The following SRRM1 variants were observed in gnomAD, a reference collection of about 807,000 sequenced individuals.
The protein encoded by SRRM1 is serine/arginine repetitive matrix protein 1.
Under a neutral mutation model 110.2 loss-of-function variants are expected in SRRM1, and 19 were observed. That is an observed-to-expected ratio of 0.17 (90% CI 0.12 to 0.25). The LOEUF (loss-of-function observed/expected upper bound fraction) is 0.25. Among genes scored for constraint, SRRM1 ranks in the 10% least tolerant of loss-of-function variants. The pLI is 1.00. For missense variants in SRRM1, 918 were observed against 1,145.8 expected, an observed-to-expected ratio of 0.80 and a Z score of 2.87; for synonymous variants, 443 against 414.9, an observed-to-expected ratio of 1.07 and a Z score of -0.82.
chr1:24,656,019 C>G (rs978020511), intron 9 of SRRM1, among the ~76,000 whole-genome samples: 8 of 152,102 alleles, frequency 5.3e-5, no homozygotes, highest in Non-Finnish European at 1.2e-4. Context: ...GCAGGAAGAT[C>G]ACTTGATCCC....
At chr1:24,652,350 A>G in intron 6 of SRRM1, 84 bp from the exon 7 acceptor site, 1 of 1,007,226 alleles carries the variant, frequency 9.9e-7, no homozygotes. Flanking sequence ...AGTTTTAGAA[A>G]TACTTTATTA....
chr1:24,670,524 G>T (rs964976001), intron 15 of SRRM1, among the ~76,000 whole-genome samples: 1 of 152,162 alleles, frequency 6.6e-6, no homozygotes, highest in Admixed American at 6.6e-5. Context: ...TTGAGACAGG[G>T]TCTCATGCTG....
At chr1:24,662,005 G>C (rs1422673359) in intron 11 of SRRM1, among the ~76,000 whole-genome samples, 1 of 152,160 alleles carries the variant, frequency 6.6e-6, no homozygotes, top group Non-Finnish European at 1.5e-5. Flanking sequence ...AGAATCCCTT[G>C]AACCCAGGAG....
At chr1:24,661,276 A>G (rs780407571) in intron 10 of SRRM1, 34 bp from the exon 11 acceptor site, 12 of 1,563,492 alleles carry the variant, frequency 7.7e-6, no homozygotes, top group Non-Finnish European at 4.4e-6. Flanking sequence ...ATGCTTAACT[A>G]AAGAAACACT....
intron 8 of SRRM1, among the ~76,000 whole-genome samples, chr1:24,654,506 T>A (rs1662861094): frequency 1.3e-5 from 2 of 152,212 alleles, no homozygotes; most frequent in Non-Finnish European, 2.9e-5. Context: ...GGAAAATACC[T>A]TGCCCCCAAA....
intron 9 of SRRM1, among the ~76,000 whole-genome samples, chr1:24,658,058 C>G (rs1463811124): frequency 6.6e-6 from 1 of 152,012 alleles, no homozygotes; most frequent in African/African-American, 2.4e-5. Flanking sequence ...CCCTTGAATA[C>G]TTAAAACAAC....
rs1161270411 is a variant in SRRM1, at chr1:24,645,860, C to T, written c.22-124C>T. On this transcript the variant is annotated intron_variant, in intron 1 of 16. Coordinates refer to ENST00000323848, the MANE Select transcript of SRRM1 (RefSeq NM_005839.4). ...TGGGGAAGGAGTATGCATTTCTCAT[C>T]TATGAAAACTAGTTTGGTATTGTGT... 9.0e-6 allele frequency: 6 copies of T among 667,872 alleles called. No individual in the cohort carries two copies. The Admixed American group carries it at 1.6e-4, about 18-fold the overall frequency. The allele number at this position is 667,872 out of a possible 1,614,324, so 41.4% of individuals were successfully genotyped here. A position where few individuals can be genotyped will look rare whatever the true frequency, so the allele number is the denominator to read the frequency against.
intron 12 of SRRM1, chr1:24,666,510 C>G (rs1670054973): frequency 3.4e-6 from 1 of 290,404 alleles, no homozygotes. Context: ...ACCTATAATC[C>G]CAGCACTTTG....
rs201407788 is a variant in SRRM1 at position 24,660,738 on chromosome 1, T to C, written c.1335T>C (p.Thr445=). 79 of 1,584,336 alleles carry C rather than the reference T, an allele frequency of 5.0e-5. No individual in the cohort carries two copies. Among genetic ancestry groups the C allele is most frequent in the Middle Eastern group, 3.4e-4 (2 of 5,934 alleles). ...TSGKVTKHKG[T]EKRESPSPAP... ...TTTTAGTGACAAAACATAAAGGTAC[T>C]GAGAAAAGAGAATCCCCTTCACCAG... is the stretch of plus-strand genomic sequence containing the variant. Residue 445 remains threonine, a synonymous_variant, in exon 10 of 17, where the codon ACT becomes ACC. Coordinates refer to ENST00000323848, the MANE Select transcript of SRRM1 (RefSeq NM_005839.4).
At chr1:24,666,547 A>AG in intron 12 of SRRM1, 1 of 327,942 alleles carries the variant, frequency 3.0e-6, no homozygotes, top group Non-Finnish European at 5.8e-6. Flanking sequence ...AGATCACCTG[A>AG]GGTCAGGAGT....
intron 1 of SRRM1, 105 bp from the exon 2 acceptor site, chr1:24,645,879 A>G (rs114675408): frequency 0.013 from 10,180 of 786,684 alleles, 116 homozygotes; most frequent in Middle Eastern, 0.068. Flanking sequence ...CTAGTTTGGT[A>G]TTGTGTTTAC....
At chr1:24,645,103 TTTACA>T (rs1367791111) in intron 1 of SRRM1, among the ~76,000 whole-genome samples, 1 of 152,204 alleles carries the variant, frequency 6.6e-6, no homozygotes, top group Non-Finnish European at 1.5e-5. Flanking sequence ...TGCCAGATAC[TTTACA>T]TATGTTATTT....
chr1:24,650,673 C>G (rs1489491709), intron 5 of SRRM1: 1 of 152,132 alleles, frequency 6.6e-6, no homozygotes, highest in East Asian at 1.9e-4. Flanking sequence ...CTGCTTATTT[C>G]TTTCATAAAT....
chr1:24,658,208 ATTTTT>A (rs573100578), intron 9 of SRRM1, among the ~76,000 whole-genome samples: 1 of 137,512 alleles, frequency 7.3e-6, no homozygotes. Context: ...GATGGTATAA[ATTTTT>A]TTTTTTTTTT....
chr1:24,669,909 T>A (rs1339374243), intron 14 of SRRM1: 1 of 569,584 alleles, frequency 1.8e-6, no homozygotes, highest in Non-Finnish European at 3.1e-6. Context: ...ATAAGAAGCA[T>A]CATTAACAGA....
chr1:24,663,467 T>G (rs1175343323), intron 12 of SRRM1, among the ~76,000 whole-genome samples: 5 of 152,186 alleles, frequency 3.3e-5, no homozygotes, highest in Non-Finnish European at 2.9e-5. Context: ...TATCTGGTTG[T>G]GCTCTTTTGT....
chr1:24,660,739 G>A lies in SRRM1; in HGVS notation c.1336G>A (p.Glu446Lys), dbSNP rs755647840. 2 of 1,585,950 alleles carry A rather than the reference G, an allele frequency of 1.3e-6. No individual in the cohort carries two copies. Among genetic ancestry groups the A allele is most frequent in the Non-Finnish European group, 1.7e-6 (2 of 1,167,894 alleles). The change falls in exon 10 of 17, where the codon GAG becomes AAG. Residue 446 changes from glutamate to lysine, a missense_variant. Coordinates refer to ENST00000323848, the MANE Select transcript of SRRM1 (RefSeq NM_005839.4). ...TTTAGTGACAAAACATAAAGGTACT[G>A]AGAAAAGAGAATCCCCTTCACCAGC... Reference protein sequence around the residue: ...SGKVTKHKGTEKRESPSPAPK... With the variant: ...SGKVTKHKGTKKRESPSPAPK...
intron 14 of SRRM1, chr1:24,669,849 A>G (rs1176885127): frequency 2.3e-5 from 13 of 560,114 alleles, no homozygotes; most frequent in Non-Finnish European, 3.1e-5. Context: ...TGAGTAAGAC[A>G]TTGAACATTT....
chr1:24,655,590 G>GT lies in SRRM1; in HGVS notation c.1315+468dup, dbSNP rs535152518. Reference sequence around the variant, plus strand: ...ATGGTGTCCTCTTAAAAGCTGATTTGTTTTTTTAATTTAGGTTCTAGGCAG... The same window carrying GT: ...ATGGTGTCCTCTTAAAAGCTGATTTGTTTTTTTTAATTTAGGTTCTAGGCAG... On this transcript the variant is annotated intron_variant, in intron 9 of 16. Coordinates refer to ENST00000323848, the MANE Select transcript of SRRM1 (RefSeq NM_005839.4). Among the ~76,000 whole-genome samples the GT allele has an allele frequency of 2.2e-4, 34 of 152,076 alleles. No individual in the cohort carries two copies. The East Asian group carries it at 5.8e-3, about 26-fold the overall frequency.
Sources: gnomAD v4.1 joint callset for allele counts (sites outside exome capture counted in the v4.1 genomes callset) on GRCh38, gnomAD v4.1.1 for gene constraint, MANE v1.5 for transcripts, NCBI Gene and HGNC (gene_info 2026-07-23, HGNC 2026-07-21) for gene names.